Variants in SLC2A9 observed in about 807,000 individuals in gnomAD.
The protein encoded by SLC2A9 is solute carrier family 2, facilitated glucose transporter member 9.
In SLC2A9, 39 loss-of-function variants were observed where a neutral mutation model predicts 50.6. The observed-to-expected ratio is 0.77, with a 90% CI of 0.60 to 1.01. The LOEUF is 1.01. Among genes scored for constraint, SLC2A9 ranks in the 50% least tolerant of loss-of-function variants. The pLI is 0.00. For synonymous variants in SLC2A9, 324 were observed against 276.9 expected (o/e 1.17, Z -1.69); for missense variants, 686 against 677.6 (o/e 1.01, Z -0.14).
intron 11 of SLC2A9, among the ~76,000 whole-genome samples, chr4:9,828,911 T>C (rs955776561): frequency 6.6e-6 from 1 of 152,170 alleles, no homozygotes; most frequent in Non-Finnish European, 1.5e-5. Flanking sequence ...TGATATACAG[T>C]AGATGCTCTG....
intron 6 of SLC2A9, among the ~76,000 whole-genome samples, chr4:9,930,889 C>T (rs1475372706): frequency 6.6e-6 from 1 of 152,110 alleles, no homozygotes; most frequent in Non-Finnish European, 1.5e-5. Context: ...GTGGAAGGGA[C>T]CCAGGCACTG....
chr4:9,778,061 C>CTTCCTTCCTTCCTTCA, downstream of SLC2A9, among the ~76,000 whole-genome samples: 1 of 10,914 alleles, frequency 9.2e-5, no homozygotes, highest in African/African-American at 3.1e-4. Context: ...TCTTTCCTTC[C>CTTCCTTCCTTCCTTCA]TTCCTTCCTT....
intron 10 of SLC2A9, among the ~76,000 whole-genome samples, chr4:9,836,838 C>T (rs576766896): frequency 1.4e-4 from 21 of 152,128 alleles, no homozygotes; most frequent in East Asian, 1.2e-3. Context: ...GCTCAGATCA[C>T]GGCAGGTGAG....
At chr4:9,941,548 G>C (rs1197252408) in intron 6 of SLC2A9, among the ~76,000 whole-genome samples, 3 of 152,142 alleles carry the variant, frequency 2.0e-5, no homozygotes, top group Non-Finnish European at 4.4e-5. Flanking sequence ...AGTGGAAGGA[G>C]GGCCGCCATG....
intron 8 of SLC2A9, among the ~76,000 whole-genome samples, chr4:9,898,688 C>T (rs914383422): frequency 6.6e-6 from 1 of 152,186 alleles, no homozygotes; most frequent in South Asian, 2.1e-4. Flanking sequence ...CCCATCCTTG[C>T]CTGGCTTGAT....
chr4:9,829,195 GAA>G (rs1725625805), intron 11 of SLC2A9, among the ~76,000 whole-genome samples: 1 of 152,180 alleles, frequency 6.6e-6, no homozygotes, highest in Admixed American at 6.5e-5. Context: ...CTTGAGGTCA[GAA>G]GTTCAGGACC....
At chr4:9,909,705 G>A (rs1741339167) in intron 7 of SLC2A9, among the ~76,000 whole-genome samples, 1 of 152,248 alleles carries the variant, frequency 6.6e-6, no homozygotes, top group Non-Finnish European at 1.5e-5. Flanking sequence ...CACAAATGAT[G>A]TCTGGGTTCT....
At chr4:9,906,681 G>C (rs1740727516) in intron 8 of SLC2A9, among the ~76,000 whole-genome samples, 1 of 152,056 alleles carries the variant, frequency 6.6e-6, no homozygotes. Context: ...CTAATGAGCT[G>C]GTATTGATTT....
intron 5 of SLC2A9, among the ~76,000 whole-genome samples, chr4:9,950,287 G>A (rs1749986811): frequency 6.6e-6 from 1 of 152,132 alleles, no homozygotes; most frequent in Non-Finnish European, 1.5e-5. Context: ...TTCTCTGTTG[G>A]AAATAATAAT....
chr4:9,970,949 G>A (rs1461144016), intron 5 of SLC2A9, among the ~76,000 whole-genome samples: 1 of 152,032 alleles, frequency 6.6e-6, no homozygotes, highest in Non-Finnish European at 1.5e-5. Context: ...CTCCCATTCT[G>A]TTCTGTTTCA....
chr4:10,025,944 C>T (rs200503549), upstream of SLC2A9: 211 of 1,613,732 alleles, frequency 1.3e-4, no homozygotes, highest in South Asian at 1.8e-4. Flanking sequence ...ATCTTCTCCT[C>T]GGTCCTTTTT....
At position 9,987,405 on chromosome 4, in the gene SLC2A9, C is replaced by G. The variant is rs564549106; in HGVS notation, c.411-1612G>C. ...AAAGTGCTGGGATTACAGGCGTGAG[C>G]CACTGCGTCCGGCCTAGAAACTTGT... On this transcript the variant is annotated intron_variant, in intron 3 of 11. Coordinates refer to ENST00000264784, the MANE Select transcript of SLC2A9 (RefSeq NM_020041.3). 5.8e-4 allele frequency among the ~76,000 whole-genome samples: 88 copies of G among 152,334 alleles called. 2 individuals are homozygous for G. The Middle Eastern group carries it at 0.027, about 47-fold the overall frequency.
chr4:9,899,155 C>T (rs1169519703), intron 8 of SLC2A9, among the ~76,000 whole-genome samples: 5 of 152,316 alleles, frequency 3.3e-5, no homozygotes, highest in East Asian at 1.9e-4. Context: ...AGGGCCACCC[C>T]GCAGGCATCC....
chr4:9,850,671 C>T (rs1729738162), intron 10 of SLC2A9, among the ~76,000 whole-genome samples: 1 of 152,150 alleles, frequency 6.6e-6, no homozygotes, highest in African/African-American at 2.4e-5. Context: ...CCTCCCCTCA[C>T]CGCAGCCTCC....
chr4:9,900,710 C>G (rs555823474), intron 8 of SLC2A9, among the ~76,000 whole-genome samples: 54 of 152,278 alleles, frequency 3.5e-4, no homozygotes, highest in South Asian at 3.5e-3. Flanking sequence ...CAAAGTTCCA[C>G]AGGGCGGGGG....
intron 3 of SLC2A9, among the ~76,000 whole-genome samples, chr4:9,819,921 G>A (rs556412570): frequency 5.9e-5 from 9 of 152,194 alleles, no homozygotes; most frequent in African/African-American, 1.4e-4. Context: ...GTGACAGAGC[G>A]AGACTCCGTC....
chr4:10,021,537 G>A, upstream of SLC2A9: 1 of 1,539,898 alleles, frequency 6.5e-7, no homozygotes, highest in Non-Finnish European at 8.8e-7. Context: ...GGGAGTTCCT[G>A]ACAGGAAGTG....
At chr4:9,791,389 CAGAT>C (rs1187699733) in intron 3 of SLC2A9, among the ~76,000 whole-genome samples, 1 of 152,182 alleles carries the variant, frequency 6.6e-6, no homozygotes. Context: ...CACAGGCTCT[CAGAT>C]AGAGAGGAAC....
At chr4:10,029,775 C>A (rs1331418981) in intron 1 of SLC2A9, among the ~76,000 whole-genome samples, 1 of 151,724 alleles carries the variant, frequency 6.6e-6, no homozygotes, top group African/African-American at 2.4e-5. Flanking sequence ...CGCCACCATG[C>A]CTGGCTAATT....
Sources: allele counts gnomAD v4.1 joint callset (sites outside exome capture counted in the v4.1 genomes callset), GRCh38; gene constraint gnomAD v4.1.1; transcripts MANE v1.5; gene names NCBI Gene and HGNC (gene_info 2026-07-23, HGNC 2026-07-21).